SLC14A2: variants seen among roughly 807,000 people sequenced by gnomAD.
The protein encoded by SLC14A2 is urea transporter 2.
Under a neutral mutation model 104.6 loss-of-function variants are expected in SLC14A2, and 91 were observed. That is an observed-to-expected ratio of 0.87 (90% CI 0.73 to 1.04). The LOEUF is 1.04. Among genes scored for constraint, SLC14A2 ranks in the 50% least tolerant of loss-of-function variants. SLC14A2 has a pLI of 0.00. For synonymous variants in SLC14A2, 476 were observed against 466.4 expected (o/e 1.02, Z -0.27); for missense variants, 1,189 against 1,156.0 (o/e 1.03, Z -0.41).
chr18:45,497,813 G>C (rs536648651), intron 2 of SLC14A2, among the ~76,000 whole-genome samples: 1 of 152,164 alleles, frequency 6.6e-6, no homozygotes, highest in African/African-American at 2.4e-5. Flanking sequence ...TTTTGGTGAC[G>C]GATCTGTCCC....
At chr18:45,298,419 T>C (rs531078169) in intron 1 of SLC14A2, among the ~76,000 whole-genome samples, 1 of 152,360 alleles carries the variant, frequency 6.6e-6, no homozygotes, top group African/African-American at 2.4e-5. Flanking sequence ...GAGTCCAGGA[T>C]ACACCAATCC....
chr18:45,169,830 C>T, the SLC14A2 span, among the ~76,000 whole-genome samples: 2 of 152,282 alleles, frequency 1.3e-5, no homozygotes, highest in African/African-American at 2.4e-5. Flanking sequence ...ATTCTTTCCA[C>T]TTGCACCATC....
chr18:45,310,187 T>C (rs2085064651), intron 1 of SLC14A2, among the ~76,000 whole-genome samples: 1 of 152,232 alleles, frequency 6.6e-6, no homozygotes, highest in Non-Finnish European at 1.5e-5. Flanking sequence ...TCTAAGTTCT[T>C]ATTTCTCTAG....
chr18:45,301,143 C>T (rs953463000), intron 1 of SLC14A2, among the ~76,000 whole-genome samples: 3 of 152,200 alleles, frequency 2.0e-5, no homozygotes, highest in African/African-American at 7.2e-5. Flanking sequence ...AAAGCATCTT[C>T]ACTAGTAATG....
At chr18:45,302,106 A>G (rs1321126014) in intron 1 of SLC14A2, among the ~76,000 whole-genome samples, 1 of 152,178 alleles carries the variant, frequency 6.6e-6, no homozygotes, top group Non-Finnish European at 1.5e-5. Flanking sequence ...CTCCTGTCTC[A>G]TCATTTATAC....
intron 1 of SLC14A2, chr18:45,447,621 C>A (rs1001290565): frequency 4.6e-5 from 7 of 152,124 alleles, no homozygotes; most frequent in African/African-American, 1.7e-4. Context: ...TTTGAAAAAT[C>A]AAAAACCAGC....
At chr18:45,326,731 C>T (rs527769686) in intron 1 of SLC14A2, among the ~76,000 whole-genome samples, 6 of 152,316 alleles carry the variant, frequency 3.9e-5, no homozygotes, top group African/African-American at 9.6e-5. Flanking sequence ...TTTCCAGGCA[C>T]GCCTCTTTCC....
upstream of SLC14A2, among the ~76,000 whole-genome samples, chr18:45,611,380 A>C (rs1303116748): frequency 6.6e-6 from 1 of 152,178 alleles, no homozygotes; most frequent in Non-Finnish European, 1.5e-5. Flanking sequence ...GTTCTGTTGA[A>C]AAGGAAGAAG....
intron 17 of SLC14A2, 151 bp from the exon 18 acceptor site, chr18:45,673,532 T>A: frequency 1.2e-6 from 1 of 801,438 alleles, no homozygotes; most frequent in Non-Finnish European, 1.9e-6. Context: ...CTTTAGATGT[T>A]TTTTCACAGA....
At chr18:45,647,760 T>G (rs1425657254) in intron 10 of SLC14A2, 1 of 144,816 alleles carries the variant, frequency 6.9e-6, no homozygotes, top group Admixed American at 7.0e-5. Flanking sequence ...ATGGGTTTCT[T>G]AATTTCTAGC....
At chr18:45,592,122 G>T (rs562167795) in intron 2 of SLC14A2, among the ~76,000 whole-genome samples, 8 of 152,356 alleles carry the variant, frequency 5.3e-5, no homozygotes, top group Non-Finnish European at 1.2e-4. Context: ...CTGGGGGAAA[G>T]GTTGCTTACC....
At chr18:45,497,464 C>A (rs574226222) in intron 2 of SLC14A2, among the ~76,000 whole-genome samples, 4 of 152,100 alleles carry the variant, frequency 2.6e-5, no homozygotes, top group Admixed American at 6.5e-5. Context: ...ATGTCCTATG[C>A]AAAATAATAA....
At chr18:45,479,269 C>T (rs191741695) in intron 1 of SLC14A2, among the ~76,000 whole-genome samples, 3 of 152,250 alleles carry the variant, frequency 2.0e-5, no homozygotes, top group South Asian at 4.1e-4. Context: ...TAGCACCTAA[C>T]GCTATATCTG....
In SLC14A2 at chr18:45,237,341, C is replaced by T. The variant is rs567176748; in HGVS notation, c.-125+24150C>T. 3.7e-4 allele frequency among the ~76,000 whole-genome samples: 57 copies of T among 152,216 alleles called. No individual in the cohort carries two copies. The South Asian group carries it at 0.012, about 31-fold the overall frequency. On this transcript the variant is annotated intron_variant, in intron 1 of 20. Coordinates refer to the SLC14A2 transcript ENST00000586448. ...ATCCAGGATGCCCAGGAGAGTGTCC[C>T]TGGTTACGTATAAAGATGAGGTGAG...
intron 11 of SLC14A2, 76 bp from the exon 12 acceptor site, chr18:45,666,061 C>G (rs1406300587): frequency 1.0e-6 from 1 of 992,850 alleles, no homozygotes; most frequent in African/African-American, 1.6e-5. Flanking sequence ...ACCTCTTGAG[C>G]CTTGCAGGAC....
At chr18:45,320,926 A>G (rs895114204) in intron 1 of SLC14A2, among the ~76,000 whole-genome samples, 2 of 152,190 alleles carry the variant, frequency 1.3e-5, no homozygotes, top group Admixed American at 1.3e-4. Context: ...AGATTGCATC[A>G]TCAGTGCTCA....
intron 1 of SLC14A2, among the ~76,000 whole-genome samples, chr18:45,474,409 G>T (rs2087316348): frequency 2.0e-5 from 3 of 151,982 alleles, no homozygotes; most frequent in South Asian, 4.1e-4. Context: ...GTTAGGGAGG[G>T]GTCCCTCTTT....
chr18:45,316,304 G>A (rs1021261408), intron 1 of SLC14A2, among the ~76,000 whole-genome samples: 3 of 152,184 alleles, frequency 2.0e-5, no homozygotes, highest in African/African-American at 7.2e-5. Context: ...ACCCTCGGAG[G>A]CAGAGCAAAT....
chr18:45,509,153 C>T (rs1367251893), intron 2 of SLC14A2, among the ~76,000 whole-genome samples: 1 of 152,098 alleles, frequency 6.6e-6, no homozygotes, highest in African/African-American at 2.4e-5. Context: ...TCATGGGATA[C>T]CTTGCCCAGT....
Sources: gnomAD v4.1 joint callset for allele counts (sites outside exome capture counted in the v4.1 genomes callset) on GRCh38, gnomAD v4.1.1 for gene constraint, MANE v1.5 for transcripts, NCBI Gene and HGNC (gene_info 2026-07-23, HGNC 2026-07-21) for gene names.